Variants in SLC24A3 observed in about 807,000 individuals in gnomAD.
SLC24A3 encodes the protein solute carrier family 24 member 3.
SLC24A3 carries 28 observed loss-of-function variants against 75.8 expected under a neutral mutation model. The observed-to-expected ratio is 0.37, with a 90% CI of 0.27 to 0.51. SLC24A3 has a LOEUF of 0.51. SLC24A3 is among the 20% of genes least tolerant of loss of function. The probability of loss-of-function intolerance (pLI) is 0.94; values close to 1 mark genes in which losing one functional copy is unlikely to be tolerated. For missense variants in SLC24A3, 663 were observed against 847.8 expected (o/e 0.78, Z 2.71); for synonymous variants, 372 against 334.1 (o/e 1.11, Z -1.24).
At chr20:19,381,872 G>A (rs373280027) in intron 2 of SLC24A3, among the ~76,000 whole-genome samples, 2 of 152,284 alleles carry the variant, frequency 1.3e-5, no homozygotes, top group South Asian at 2.1e-4. Flanking sequence ...TAGCAACATG[G>A]TGACTGGAGG....
intron 15 of SLC24A3, among the ~76,000 whole-genome samples, chr20:19,702,064 G>A (rs2090891610): frequency 2.6e-5 from 4 of 152,146 alleles, no homozygotes; most frequent in Admixed American, 2.6e-4. Context: ...AAGCAAACCA[G>A]TTTATCTTAC....
chr20:19,517,579 C>T (rs1306407885), intron 3 of SLC24A3, among the ~76,000 whole-genome samples: 1 of 152,234 alleles, frequency 6.6e-6, no homozygotes, highest in Non-Finnish European at 1.5e-5. Context: ...GTTAGCACTT[C>T]GTAATCACTG....
At chr20:19,337,340 A>T (rs2122301963) in intron 2 of SLC24A3, among the ~76,000 whole-genome samples, 1 of 152,298 alleles carries the variant, frequency 6.6e-6, no homozygotes, top group African/African-American at 2.4e-5. Context: ...GCTACTCAGG[A>T]GGCTGAGACA....
intron 3 of SLC24A3, 94 bp downstream of exon 3, chr20:19,515,658 C>A: frequency 7.9e-7 from 1 of 1,259,842 alleles, no homozygotes; most frequent in Non-Finnish European, 1.1e-6. Context: ...TAGATTCTCT[C>A]TGCCCTCCTG....
chr20:19,580,022 T>TG lies in SLC24A3; in HGVS notation c.373dup (p.Ala125GlyfsTer5). 6.2e-7 allele frequency: 1 copy of TG among 1,613,858 alleles called. No individual in the cohort carries two copies. The highest frequency in any genetic ancestry group is 8.5e-7 in the Non-Finnish European group (1 of 1,179,736). On this transcript the variant is annotated frameshift_variant, in exon 4 of 17. Transcript: ENST00000328041. LOFTEE classifies it high-confidence loss of function. ...CAGGCCATATACATGTTCTATGCGC[T>TG]GGCCATTGTGTGTGATGACTTCTTC...
At chr20:19,330,641 T>C (rs1984977124) in intron 2 of SLC24A3, among the ~76,000 whole-genome samples, 1 of 152,202 alleles carries the variant, frequency 6.6e-6, no homozygotes, top group African/African-American at 2.4e-5. Context: ...TATTAACTGC[T>C]AAATGTGGAG....
chr20:19,696,089 C>G (rs1405434020), intron 13 of SLC24A3, among the ~76,000 whole-genome samples: 1 of 140,328 alleles, frequency 7.1e-6, no homozygotes, highest in Admixed American at 7.6e-5. Flanking sequence ...ACTATCACAG[C>G]TCATCGCAGC....
chr20:19,466,122 A>G (rs73903106), intron 2 of SLC24A3, among the ~76,000 whole-genome samples: 3,683 of 152,306 alleles, frequency 0.024, 144 homozygotes, highest in African/African-American at 0.084. Flanking sequence ...GTACAAATGT[A>G]TTTTCACTAT....
intron 2 of SLC24A3, among the ~76,000 whole-genome samples, chr20:19,323,022 C>A (rs1010746483): frequency 7.3e-5 from 11 of 151,510 alleles, no homozygotes. Flanking sequence ...CTGGCTAACA[C>A]GGTGAAACCC....
chr20:19,333,014 T>C (rs1335632490), intron 2 of SLC24A3, among the ~76,000 whole-genome samples: 2 of 152,194 alleles, frequency 1.3e-5, no homozygotes, highest in African/African-American at 2.4e-5. Context: ...TCTGGGTTCT[T>C]GTGGCTAATA....
At chr20:19,230,062 A>ATT (rs11087276) in intron 1 of SLC24A3, among the ~76,000 whole-genome samples, 1,471 of 147,038 alleles carry the variant, frequency 0.01, 22 homozygotes, top group African/African-American at 0.034. Context: ...CCCATAATAG[A>ATT]TTTTTTTTTT....
intron 2 of SLC24A3, among the ~76,000 whole-genome samples, chr20:19,497,574 A>ACG (rs1331755853): frequency 2.0e-5 from 3 of 152,160 alleles, no homozygotes; most frequent in African/African-American, 7.2e-5. Context: ...GGGTTTGCAC[A>ACG]TTTTTTCCCC....
chr20:19,290,729 C>G (rs1983921796), intron 2 of SLC24A3, among the ~76,000 whole-genome samples: 2 of 152,158 alleles, frequency 1.3e-5, no homozygotes, highest in African/African-American at 2.4e-5. Flanking sequence ...CATGGGTGGT[C>G]TCTGTCAAGC....
intron 2 of SLC24A3, among the ~76,000 whole-genome samples, chr20:19,296,912 C>T (rs6112297): frequency 1.4e-3 from 217 of 152,306 alleles, no homozygotes; most frequent in African/African-American, 4.6e-3. Context: ...GACCATGGCT[C>T]AAATTTTCCA....
intron 2 of SLC24A3, among the ~76,000 whole-genome samples, chr20:19,360,858 G>A (rs1233033959): frequency 2.7e-5 from 4 of 149,480 alleles, no homozygotes; most frequent in Admixed American, 6.7e-5. Flanking sequence ...ACGGAGTCTC[G>A]CTCTGTCGGC....
intron 2 of SLC24A3, among the ~76,000 whole-genome samples, chr20:19,412,191 C>T (rs1376393806): frequency 6.6e-6 from 1 of 152,168 alleles, no homozygotes; most frequent in Non-Finnish European, 1.5e-5. Flanking sequence ...CCATCCAGTG[C>T]ATCTTTGTTT....
chr20:19,307,629 C>T (rs2122255732), intron 2 of SLC24A3, among the ~76,000 whole-genome samples: 1 of 152,158 alleles, frequency 6.6e-6, no homozygotes, highest in African/African-American at 2.4e-5. Flanking sequence ...GGAGGGAGAA[C>T]ATTAGGACAA....
At chr20:19,553,169 G>GC (rs369452599) in intron 3 of SLC24A3, among the ~76,000 whole-genome samples, 33 of 146,614 alleles carry the variant, frequency 2.3e-4, no homozygotes, top group African/African-American at 7.5e-4. Flanking sequence ...ACACAGGGCA[G>GC]CCTCCGCACC....
rs117240073 is a variant in SLC24A3 at position 19,705,582 on chromosome 20, T to C, written c.1719+6902T>C. ...TTCCAAAACGACACTCAAAAGCCTC[T>C]TTCATGTAGCATGGTAGTGACCGCA... On this transcript the variant is annotated intron_variant, in intron 15 of 16. Coordinates refer to ENST00000328041, the MANE Select transcript of SLC24A3 (RefSeq NM_020689.4). Among the ~76,000 whole-genome samples the C allele has an allele frequency of 6.2e-3, 945 of 152,316 alleles. 4 individuals are homozygous for C. The highest frequency in any genetic ancestry group is 9.2e-3 in the Non-Finnish European group (627 of 68,026).
Sources: allele counts gnomAD v4.1 joint callset (sites outside exome capture counted in the v4.1 genomes callset), GRCh38; gene constraint gnomAD v4.1.1; transcripts MANE v1.5; gene names NCBI Gene and HGNC (gene_info 2026-07-23, HGNC 2026-07-21).